Variants in WDR62 observed in about 807,000 individuals in gnomAD.
The protein encoded by WDR62 is WD repeat-containing protein 62.
A neutral mutation model predicts 160.6 loss-of-function variants in WDR62; 112 were observed. The ratio of observed to expected loss-of-function variants is 0.70; its 90% CI spans 0.60 to 0.82. The LOEUF (loss-of-function observed/expected upper bound fraction) is 0.82, where lower values mean the gene tolerates loss of function less well. Among genes scored for constraint, WDR62 ranks in the 40% least tolerant of loss-of-function variants. The probability of loss-of-function intolerance (pLI) is 0.00; values close to 1 mark genes in which losing one functional copy is unlikely to be tolerated. For missense variants in WDR62, 1,819 were observed against 1,983.8 expected, an observed-to-expected ratio of 0.92 and a Z score of 1.58; for synonymous variants, 792 against 815.1, an observed-to-expected ratio of 0.97 and a Z score of 0.48.
intron 26 of WDR62, 142 bp downstream of exon 26, chr19:36,102,293 G>C: frequency 8.0e-7 from 1 of 1,244,190 alleles, no homozygotes; most frequent in East Asian, 2.4e-5. Flanking sequence ...ACGGAGTCTC[G>C]CTCTGTTGCC....
chr19:36,086,065 T>A (rs770953704), intron 12 of WDR62, among the ~76,000 whole-genome samples: 1 of 152,036 alleles, frequency 6.6e-6, no homozygotes, highest in African/African-American at 2.4e-5. Context: ...GGTGGAGTTA[T>A]ATCCTGATGT....
At chr19:36,055,429 C>T (rs1970308631) in intron 1 of WDR62, among the ~76,000 whole-genome samples, 1 of 152,146 alleles carries the variant, frequency 6.6e-6, no homozygotes, top group East Asian at 1.9e-4. Flanking sequence ...CAGCCTAGTC[C>T]TGCTATATTT....
Position 36,104,998 on chromosome 19 carries a change from G to T in WDR62, c.4542G>T (p.Gln1514His). Residue 1514 changes from glutamine to histidine, a missense_variant, in exon 32 of 32, where the codon CAG becomes CAT. Physicochemically the swap from Gln to His is conservative, Grantham distance 24. Around this residue, in one of 3 missense-constraint regions of WDR62, gnomAD observed 770 missense variants for 734.2 expected, o/e 1.05. Transcript: ENST00000401500. ...LLEHYSELLV[Q>H]AVRRKARGH ...AACACTACTCGGAGCTGCTGGTGCAGGCCGTGCGGAGGAAGGCACGGGGGC... is the reference window on the plus strand; with the variant it reads ...AACACTACTCGGAGCTGCTGGTGCATGCCGTGCGGAGGAAGGCACGGGGGC... 1 of 1,602,028 alleles carries T rather than the reference G, an allele frequency of 6.2e-7. No homozygotes were observed. The highest frequency in any genetic ancestry group is 8.5e-7 in the Non-Finnish European group (1 of 1,177,636).
At chr19:36,090,673 G>A (rs1368824739) in intron 16 of WDR62, among the ~76,000 whole-genome samples, 153 bp downstream of exon 16, 2 of 152,194 alleles carry the variant, frequency 1.3e-5, no homozygotes, top group Non-Finnish European at 2.9e-5. Flanking sequence ...CTTGCGAGAG[G>A]GTGGGGAGGG....
chr19:36,096,640 G>A (rs1347079403), intron 20 of WDR62, among the ~76,000 whole-genome samples: 1 of 151,920 alleles, frequency 6.6e-6, no homozygotes, highest in Non-Finnish European at 1.5e-5. Flanking sequence ...GAACCCGGGA[G>A]GTGGAGGTTG....
rs1284179319 is a variant in WDR62 at position 36,069,246 on chromosome 19, C to T, written c.882+1236C>T. ...CTCACTTCCCAGACGGGGCAGCTGC[C>T]GGGCGGAGGGGCTCCTCACTTCTCA... is the stretch of plus-strand genomic sequence containing the variant. On this transcript the variant is annotated intron_variant, in intron 7 of 31. Transcript: ENST00000401500. 2.7e-4 allele frequency among the ~76,000 whole-genome samples: 41 copies of T among 150,586 alleles called. 1 individual carries two copies. The highest frequency in any genetic ancestry group is 1.1e-3 in the South Asian group (5 of 4,698).
At chr19:36,066,471 C>T in intron 5 of WDR62, 44 bp downstream of exon 5, 6 of 1,558,556 alleles carry the variant, frequency 3.8e-6, no homozygotes, top group Non-Finnish European at 4.3e-6. Context: ...CCAGCTGCCA[C>T]AGCATCCTAT....
At chr19:36,095,106 AAG>A (rs1407180227) in intron 20 of WDR62, among the ~76,000 whole-genome samples, 1 of 152,208 alleles carries the variant, frequency 6.6e-6, no homozygotes, top group Non-Finnish European at 1.5e-5. Context: ...TTAAGTCAGG[AAG>A]AGGATTTTTT....
chr19:36,083,103 A>G lies in WDR62; in HGVS notation c.1412A>G (p.His471Arg). The G allele has an allele frequency of 6.2e-7, 1 of 1,613,634 alleles. No individual in the cohort carries two copies. Among genetic ancestry groups the G allele is most frequent in the South Asian group, 1.1e-5 (1 of 90,870 alleles). ...GTGTACGTGGAGAATGACATCCAGCACCTGCAGGACATGTCACACTTCCCA... is the reference window on the plus strand; with the variant it reads ...GTGTACGTGGAGAATGACATCCAGCGCCTGCAGGACATGTCACACTTCCCA... Reference protein sequence around the residue: ...KVVYVENDIQHLQDMSHFPDR... With the variant: ...KVVYVENDIQRLQDMSHFPDR... Residue 471 changes from histidine (H) to arginine (R), a missense_variant, in exon 11 of 32, where the codon CAC becomes CGC. His to Arg is a conservative substitution (Grantham distance 29). Transcript: ENST00000401500.
chr19:36,103,071 C>T lies in WDR62; in HGVS notation c.3459C>T (p.Thr1153=). The part of the protein sequence containing the change: ...AGTGYASPDR[T]HVLAAGKAEE... Reference sequence around the variant, plus strand: ...CTGGCTACGCCTCCCCAGACAGGACCCACGTGAGTATTGGGCCCACCTCCG... The same window carrying T: ...CTGGCTACGCCTCCCCAGACAGGACTCACGTGAGTATTGGGCCCACCTCCG... Residue 1153 remains threonine, a synonymous_variant, in exon 28 of 32, where the codon ACC becomes ACT. Coordinates refer to ENST00000401500, the MANE Select transcript of WDR62 (RefSeq NM_001083961.2). The T allele has an allele frequency of 6.2e-7, 1 of 1,614,050 alleles. No homozygotes were observed. Among genetic ancestry groups the T allele is most frequent in the South Asian group, 1.1e-5 (1 of 91,088 alleles).
rs750618493 is a variant in WDR62, at chr19:36,103,991, G to A, written c.4153+10G>A. On this transcript the variant is annotated intron_variant, in intron 30 of 31. Coordinates refer to ENST00000401500, the MANE Select transcript of WDR62 (RefSeq NM_001083961.2). Reference sequence around the variant, plus strand: ...CTGGAGCCCACCTCCGGTGAGTACAGCCCTGGAGCAAGGACTGTCCCCTAA... The same window carrying A: ...CTGGAGCCCACCTCCGGTGAGTACAACCCTGGAGCAAGGACTGTCCCCTAA... 14 of 1,597,398 alleles carry A rather than the reference G, an allele frequency of 8.8e-6. No individual in the cohort carries two copies. The highest frequency in any genetic ancestry group is 1.2e-5 in the Non-Finnish European group (14 of 1,179,808).
chr19:36,083,371 C>A, intron 11 of WDR62, 130 bp downstream of exon 11: 1 of 948,902 alleles, frequency 1.1e-6, no homozygotes, highest in Non-Finnish European at 1.6e-6. Flanking sequence ...GAATAGTAAT[C>A]CCATGAACAG....
chr19:36,066,556 G>A, intron 5 of WDR62, 129 bp downstream of exon 5: 1 of 1,020,724 alleles, frequency 9.8e-7, no homozygotes, highest in Non-Finnish European at 1.5e-6. Context: ...CAGCTATTGA[G>A]CACCTGTGAC....
intron 21 of WDR62, among the ~76,000 whole-genome samples, chr19:36,097,748 G>T (rs1450712947): frequency 6.6e-6 from 1 of 152,240 alleles, no homozygotes; most frequent in African/African-American, 2.4e-5. Flanking sequence ...GCCAGGCATG[G>T]TGGTGCATAC....
In WDR62 at chr19:36,104,871, T is replaced by C; in HGVS notation, c.4415T>C (p.Val1472Ala). Residue 1472 changes from valine to alanine, a missense_variant, in exon 32 of 32, where the codon GTG becomes GCG. Val to Ala is a moderately conservative substitution (Grantham distance 64). Transcript: ENST00000401500. Reference sequence around the variant, plus strand: ...AGCCAGCTGGAGGCTGAATGCCTGGTGGGGACTAGTGTGGCCCCAGCCCAG... The same window carrying C: ...AGCCAGCTGGAGGCTGAATGCCTGGCGGGGACTAGTGTGGCCCCAGCCCAG... ...IHSQLEAECLVGTSVAPAQAL... is the reference protein window; with the variant it reads ...IHSQLEAECLAGTSVAPAQAL... 6.2e-7 allele frequency: 1 copy of C among 1,612,768 alleles called. No individual in the cohort carries two copies. The highest frequency in any genetic ancestry group is 8.5e-7 in the Non-Finnish European group (1 of 1,179,946).
At chr19:36,098,965 TA>T (rs1331213683) in intron 21 of WDR62, among the ~76,000 whole-genome samples, 1 of 152,152 alleles carries the variant, frequency 6.6e-6, no homozygotes, top group Non-Finnish European at 1.5e-5. Flanking sequence ...CTCATGCCTG[TA>T]ATCCCAGTAC....
intron 13 of WDR62, 32 bp downstream of exon 13, chr19:36,086,844 T>C (rs531696952): frequency 1.6e-5 from 26 of 1,602,162 alleles, no homozygotes; most frequent in South Asian, 1.3e-4. Flanking sequence ...CCCTGCGCCT[T>C]GCTAGCTACC....
At chr19:36,107,956 C>T (rs1973743377), downstream of WDR62, among the ~76,000 whole-genome samples, 1 of 152,050 alleles carries the variant, frequency 6.6e-6, no homozygotes, top group South Asian at 2.1e-4. Context: ...AGAGTTTAAC[C>T]AAGGGATCAT....
chr19:36,096,974 G>T, intron 20 of WDR62, 53 bp from the exon 21 acceptor site: 2 of 1,547,094 alleles, frequency 1.3e-6, no homozygotes, highest in Non-Finnish European at 1.8e-6. Flanking sequence ...TTATGTATGT[G>T]GCCTGTTTGT....
Sources: allele counts gnomAD v4.1 joint callset (sites outside exome capture counted in the v4.1 genomes callset), GRCh38; gene constraint gnomAD v4.1.1; regional missense constraint gnomAD v4.1.1; transcripts MANE v1.5; gene names NCBI Gene and HGNC (gene_info 2026-07-23, HGNC 2026-07-21).